Variants in CNKSR2 observed in about 807,000 individuals in gnomAD.
The protein encoded by CNKSR2 is CNK homolog protein 2.
Under a neutral mutation model 84.4 loss-of-function variants are expected in CNKSR2, and 14 were observed. The observed-to-expected ratio is 0.17, with a 90% CI of 0.11 to 0.26. The LOEUF (loss-of-function observed/expected upper bound fraction) is 0.26. Ranked by LOEUF, CNKSR2 falls within the 10% of genes least tolerant of loss-of-function variation. The probability of loss-of-function intolerance (pLI) is 1.00; values close to 1 mark genes in which losing one functional copy is unlikely to be tolerated. For missense variants in CNKSR2, 485 were observed against 771.2 expected, an observed-to-expected ratio of 0.63 and a Z score of 4.40; for synonymous variants, 275 against 277.9, an observed-to-expected ratio of 0.99 and a Z score of 0.10.
chrX:21,596,098 C>G (rs999120892), intron 17 of CNKSR2, among the ~76,000 whole-genome samples: 4 of 111,529 alleles, frequency 3.6e-5, no homozygotes, highest in East Asian at 5.6e-4. Flanking sequence ...TATAACTTGC[C>G]TACAGTTAGG....
chrX:21,527,447 G>A (rs1312020802), intron 10 of CNKSR2, among the ~76,000 whole-genome samples: 1 of 110,131 alleles, frequency 9.1e-6, no homozygotes, highest in Non-Finnish European at 1.9e-5. Flanking sequence ...TGGTAATGAT[G>A]ATGAGGGAGA....
chrX:21,596,474 C>A (rs916592842), intron 17 of CNKSR2, among the ~76,000 whole-genome samples: 3 of 111,589 alleles, frequency 2.7e-5, no homozygotes, highest in African/African-American at 9.8e-5. Flanking sequence ...TAAATGTTTA[C>A]TATTAATATA....
chrX:21,508,436 T>G (rs1020503970), intron 8 of CNKSR2, among the ~76,000 whole-genome samples: 2 of 112,583 alleles, frequency 1.8e-5, no homozygotes, highest in African/African-American at 6.4e-5. Context: ...CAGCTTTACC[T>G]TTCACTACAA....
chrX:21,479,586 A>G (rs1271459781), intron 5 of CNKSR2, among the ~76,000 whole-genome samples: 1 of 111,233 alleles, frequency 9.0e-6, no homozygotes, highest in Non-Finnish European at 1.9e-5. Flanking sequence ...ATTATAAATT[A>G]TGATAAGAAA....
At chrX:21,527,441 A>G (rs2091845949) in intron 10 of CNKSR2, among the ~76,000 whole-genome samples, 1 of 110,440 alleles carries the variant, frequency 9.1e-6, no homozygotes, top group African/African-American at 3.3e-5. Context: ...TTTATTTGGT[A>G]ATGATGATGA....
intron 20 of CNKSR2, among the ~76,000 whole-genome samples, chrX:21,628,065 C>A (rs979216785): frequency 5.4e-5 from 6 of 111,551 alleles, no homozygotes; most frequent in African/African-American, 1.6e-4. Flanking sequence ...TGCAGCCATT[C>A]CAAATGGGAG....
intron 5 of CNKSR2, 32 bp from the exon 6 acceptor site, chrX:21,490,427 T>C: frequency 8.5e-7 from 1 of 1,178,287 alleles, no homozygotes. Context: ...AACACGTATT[T>C]ACCACAACTA....
chrX:21,539,293 T>A (rs2091956252), intron 11 of CNKSR2, among the ~76,000 whole-genome samples: 1 of 111,837 alleles, frequency 8.9e-6, no homozygotes, highest in Non-Finnish European at 1.9e-5. Context: ...ATTGTTGAAG[T>A]TCTCAGTTGT....
At chrX:21,496,062 T>C (rs2091496199) in intron 6 of CNKSR2, among the ~76,000 whole-genome samples, 1 of 110,597 alleles carries the variant, frequency 9.0e-6, no homozygotes, top group Non-Finnish European at 1.9e-5. Flanking sequence ...TAGGCAATTG[T>C]GACACAGTGT....
rs764400705 is a variant in CNKSR2 at position 21,609,500 on chromosome X, A to T, written c.2575A>T (p.Asn859Tyr). 1 of 1,211,172 alleles carries T rather than the reference A, an allele frequency of 8.3e-7. No individual in the cohort carries two copies. Among genetic ancestry groups the T allele is most frequent in the East Asian group, 3.0e-5 (1 of 33,827 alleles). ...RDSGFNHCCL[N>Y]APVSACDPQD... ...TAGCGGGTTCAACCATTGCTGTCTG[A>T]ATGCTCCAGTTAGTGCCTGTGACCC... is the stretch of plus-strand genomic sequence containing the variant. Residue 859 changes from asparagine to tyrosine, a missense_variant, in exon 20 of 22, where the codon AAT (asparagine) becomes TAT (tyrosine). Coordinates refer to ENST00000379510, the MANE Select transcript of CNKSR2 (RefSeq NM_014927.5).
At chrX:21,588,006 C>T (rs916065569) in intron 13 of CNKSR2, among the ~76,000 whole-genome samples, 1 of 111,683 alleles carries the variant, frequency 9.0e-6, no homozygotes, top group African/African-American at 3.3e-5. Context: ...GTGCTCTCTC[C>T]CTCCCATGAT....
chrX:21,377,342 C>G (rs187336597), intron 1 of CNKSR2, among the ~76,000 whole-genome samples: 1 of 112,335 alleles, frequency 8.9e-6, no homozygotes, highest in Admixed American at 9.4e-5. Context: ...ATTTTTCTCT[C>G]TTTGCCCTTT....
chrX:21,451,972 A>G (rs1330637967), intron 4 of CNKSR2, among the ~76,000 whole-genome samples: 2 of 112,109 alleles, frequency 1.8e-5, no homozygotes, highest in African/African-American at 6.5e-5. Flanking sequence ...TTAGTTCATA[A>G]TGGGAATTAA....
Position 21,609,084 on chromosome X carries a change from G to T in CNKSR2, c.2159G>T (p.Ser720Ile), listed in dbSNP as rs1394950256. ...TCCTTTCTACAGATGAGTTGCGCCA[G>T]TCCTTATGTGGAAGCAAAACATAGC... ...YPRPPSMSCA[S>I]PYVEAKHSRL... Residue 720 changes from serine to isoleucine, a missense_variant, in exon 20 of 22, where the codon AGT (serine) becomes ATT (isoleucine). Physicochemically the swap from Ser to Ile is moderately radical, Grantham distance 142. Around this residue, in one of 5 missense-constraint regions of CNKSR2, gnomAD observed 210 missense variants for 291.5 expected, o/e 0.72. Transcript: ENST00000379510. 1 of 1,204,883 alleles carries T rather than the reference G, an allele frequency of 8.3e-7. No homozygotes were observed. The highest frequency in any genetic ancestry group is 3.0e-5 in the East Asian group (1 of 33,709).
At chrX:21,565,043 T>A (rs1029336148) in intron 13 of CNKSR2, among the ~76,000 whole-genome samples, 1 of 111,717 alleles carries the variant, frequency 9.0e-6, no homozygotes, top group Non-Finnish European at 1.9e-5. Flanking sequence ...GTTCCAGTCA[T>A]AAGTAATACC....
At chrX:21,544,873 T>G (rs887308944) in intron 11 of CNKSR2, among the ~76,000 whole-genome samples, 2 of 111,428 alleles carry the variant, frequency 1.8e-5, no homozygotes, top group Non-Finnish European at 3.8e-5. Flanking sequence ...ACTACGCTTT[T>G]CCCATGGTCT....
intron 11 of CNKSR2, among the ~76,000 whole-genome samples, chrX:21,549,279 TAGAG>T (rs1304394092): frequency 1.8e-5 from 2 of 109,084 alleles, no homozygotes; most frequent in Non-Finnish European, 3.9e-5. Flanking sequence ...ACACCCATAA[TAGAG>T]AGCCAAACCA....
At chrX:21,549,753 G>A in intron 11 of CNKSR2, among the ~76,000 whole-genome samples, 2 of 111,860 alleles carry the variant, frequency 1.8e-5, no homozygotes, top group Middle Eastern at 9.3e-3. Flanking sequence ...GGAGGCCTCA[G>A]AAATAAGGCC....
intron 13 of CNKSR2, among the ~76,000 whole-genome samples, chrX:21,564,115 C>T (rs2092217528): frequency 9.0e-6 from 1 of 111,253 alleles, no homozygotes; most frequent in African/African-American, 3.3e-5. Context: ...TGGCATGTTC[C>T]AAGGATTTTG....
Sources: allele counts gnomAD v4.1 joint callset (sites outside exome capture counted in the v4.1 genomes callset), GRCh38; gene constraint gnomAD v4.1.1; regional missense constraint gnomAD v4.1.1; transcripts MANE v1.5; gene names NCBI Gene and HGNC (gene_info 2026-07-23, HGNC 2026-07-21).